The following NR2F1-AS1 variants were observed in gnomAD, a reference collection of about 807,000 sequenced individuals.
NR2F1-AS1 encodes NR2F1 antisense RNA 1.
At chr5:93,471,501 A>C (rs1750363450) in intron 4 of NR2F1-AS1, among the ~76,000 whole-genome samples, 1 of 151,912 alleles carries the variant, frequency 6.6e-6, no homozygotes, top group South Asian at 2.1e-4. Flanking sequence ...ATATGAATAG[A>C]ATATAATAAC....
chr5:93,585,169 C>G, upstream of NR2F1-AS1: 3 of 1,225,884 alleles, frequency 2.4e-6, no homozygotes, highest in Non-Finnish European at 3.1e-6. Flanking sequence ...TCGGGCGCGC[C>G]GCACACGCCG....
At chr5:93,489,157 T>G (rs1750786604) in intron 4 of NR2F1-AS1, among the ~76,000 whole-genome samples, 1 of 151,894 alleles carries the variant, frequency 6.6e-6, no homozygotes, top group Admixed American at 6.6e-5. Flanking sequence ...GATGACGGGT[T>G]AAAGGGTGCA....
intron 4 of NR2F1-AS1, among the ~76,000 whole-genome samples, chr5:93,433,067 A>G (rs1162625171): frequency 2.6e-5 from 4 of 152,170 alleles, no homozygotes; most frequent in Non-Finnish European, 1.5e-5. Flanking sequence ...TGCTTCTCCT[A>G]TGCCATGACC....
intron 4 of NR2F1-AS1, among the ~76,000 whole-genome samples, chr5:93,427,770 C>A (rs1376677489): frequency 6.6e-6 from 1 of 152,078 alleles, no homozygotes; most frequent in Non-Finnish European, 1.5e-5. Flanking sequence ...AAATACTAAA[C>A]CATAAAGGAC....
chr5:93,446,706 A>C (rs2149855259), intron 4 of NR2F1-AS1, among the ~76,000 whole-genome samples: 1 of 152,342 alleles, frequency 6.6e-6, no homozygotes, highest in Non-Finnish European at 1.5e-5. Flanking sequence ...AAACTACTTT[A>C]AAGTTTATAT....
At chr5:93,562,237 G>A (rs1265044688) in intron 2 of NR2F1-AS1, among the ~76,000 whole-genome samples, 6 of 145,212 alleles carry the variant, frequency 4.1e-5, no homozygotes, top group African/African-American at 1.5e-4. Context: ...ATAAGATAAA[G>A]TTAGCAAATG....
intron 4 of NR2F1-AS1, among the ~76,000 whole-genome samples, chr5:93,527,864 T>G (rs1187845264): frequency 3.3e-5 from 5 of 152,288 alleles, no homozygotes; most frequent in South Asian, 2.1e-4. Context: ...GATTAAAGAC[T>G]TAAATGTAAG....
intron 4 of NR2F1-AS1, among the ~76,000 whole-genome samples, chr5:93,488,365 ATCTACAAGGAACTTAAACAAAT>A (rs1232280205): frequency 6.6e-6 from 1 of 152,214 alleles, no homozygotes; most frequent in Non-Finnish European, 1.5e-5. Flanking sequence ...AATATCCAGA[ATCTACAAGGAACTTAAACAAAT>A]TTACAAGAAA....
chr5:93,469,600 A>G (rs1750323407), intron 4 of NR2F1-AS1, among the ~76,000 whole-genome samples: 1 of 152,090 alleles, frequency 6.6e-6, no homozygotes, highest in Admixed American at 6.5e-5. Context: ...AAGTTTTCTT[A>G]GGCTAGAAAC....
intron 1 of NR2F1-AS1, chr5:93,570,249 C>G (rs1365863955): frequency 6.6e-6 from 1 of 152,232 alleles, no homozygotes; most frequent in Non-Finnish European, 1.5e-5. Flanking sequence ...CTCCTTAAAA[C>G]AGAAAATCAG....
chr5:93,572,403 T>C (rs573312661), intron 1 of NR2F1-AS1, among the ~76,000 whole-genome samples: 2 of 152,284 alleles, frequency 1.3e-5, no homozygotes, highest in East Asian at 1.9e-4. Flanking sequence ...GAAGGGCTCA[T>C]AGAGGGGCAG....
chr5:93,488,043 A>G (rs1400913988), intron 4 of NR2F1-AS1, among the ~76,000 whole-genome samples: 1 of 152,230 alleles, frequency 6.6e-6, no homozygotes, highest in Non-Finnish European at 1.5e-5. Flanking sequence ...AGCCACATGC[A>G]GAAAACTGAA....
At chr5:93,584,557 G>C (rs1257105714), upstream of NR2F1-AS1, 1 of 148,222 alleles carries the variant, frequency 6.7e-6, no homozygotes, top group Non-Finnish European at 1.5e-5. Context: ...TGCCGCCTGT[G>C]CCATTTCTGA....
intron 4 of NR2F1-AS1, among the ~76,000 whole-genome samples, chr5:93,514,139 C>T (rs1325455092): frequency 6.6e-6 from 1 of 152,028 alleles, no homozygotes; most frequent in Admixed American, 6.6e-5. Context: ...CAGCATAACA[C>T]TGCTGGATGT....
intron 4 of NR2F1-AS1, among the ~76,000 whole-genome samples, chr5:93,487,270 T>G (rs953591709): frequency 6.6e-6 from 1 of 151,984 alleles, no homozygotes; most frequent in African/African-American, 2.4e-5. Flanking sequence ...GAGAAAGAAA[T>G]AAAGGGTATT....
chr5:93,542,436 G>A (rs969626315), intron 4 of NR2F1-AS1: 2 of 151,972 alleles, frequency 1.3e-5, no homozygotes, highest in African/African-American at 4.8e-5. Context: ...AGCATTGCCG[G>A]TCTCTCCCCA....
intron 2 of NR2F1-AS1, among the ~76,000 whole-genome samples, chr5:93,556,214 T>G (rs1752351505): frequency 6.6e-6 from 1 of 152,186 alleles, no homozygotes; most frequent in Admixed American, 6.5e-5. Context: ...CATTACCTGC[T>G]CCATACATTT....
chr5:93,465,680 G>GT (rs61054716), intron 4 of NR2F1-AS1, among the ~76,000 whole-genome samples: 30,257 of 151,998 alleles, frequency 0.2, 4,514 homozygotes, highest in African/African-American at 0.42. Context: ...CAACCCAAAT[G>GT]CCATCAATGA....
chr5:93,428,858 T>C (rs1003009334), intron 4 of NR2F1-AS1, among the ~76,000 whole-genome samples: 1 of 152,196 alleles, frequency 6.6e-6, no homozygotes, highest in Non-Finnish European at 1.5e-5. Context: ...TGTGATCAGA[T>C]CTGATTGGTA....
Sources: gnomAD v4.1 joint callset for allele counts (sites outside exome capture counted in the v4.1 genomes callset) on GRCh38, gnomAD v4.1.1 for gene constraint, MANE v1.5 for transcripts, NCBI Gene and HGNC (gene_info 2026-07-23, HGNC 2026-07-21) for gene names.